DLG2: variants seen among roughly 807,000 people sequenced by gnomAD.
DLG2 encodes the protein discs large MAGUK scaffold protein 2.
Under a neutral mutation model 132.5 loss-of-function variants are expected in DLG2, and 45 were observed. The ratio of observed to expected loss-of-function variants is 0.34; its 90% CI spans 0.27 to 0.44. The LOEUF is 0.44. Ranked by LOEUF, DLG2 falls within the 20% of genes least tolerant of loss-of-function variation. DLG2 has a pLI of 1.00. For synonymous variants in DLG2, 424 were observed against 419.6 expected, an observed-to-expected ratio of 1.01 and a Z score of -0.13; for missense variants, 1,045 against 1,196.9, an observed-to-expected ratio of 0.87 and a Z score of 1.87.
intron 6 of DLG2, among the ~76,000 whole-genome samples, chr11:85,030,714 ATTAT>A (rs1329520152): frequency 6.6e-6 from 1 of 152,110 alleles, no homozygotes; most frequent in African/African-American, 2.4e-5. Context: ...AATTTTTGGT[ATTAT>A]TTATACTTTA....
intron 4 of DLG2, among the ~76,000 whole-genome samples, chr11:85,274,551 T>C (rs1239618719): frequency 6.6e-6 from 1 of 152,142 alleles, no homozygotes; most frequent in Non-Finnish European, 1.5e-5. Context: ...ATATATTTTA[T>C]ATTACACACT....
chr11:84,782,898 AC>A (rs1443483167), intron 6 of DLG2, among the ~76,000 whole-genome samples: 6 of 152,116 alleles, frequency 3.9e-5, no homozygotes, highest in African/African-American at 1.4e-4. Flanking sequence ...GCATCAGCGT[AC>A]CTTTCTGGCA....
intron 3 of DLG2, among the ~76,000 whole-genome samples, chr11:85,391,754 T>A (rs1197075217): frequency 6.6e-6 from 1 of 151,974 alleles, no homozygotes; most frequent in Non-Finnish European, 1.5e-5. Flanking sequence ...ATGATTAAAA[T>A]TCTCAGCAAA....
chr11:85,093,268 A>G (rs1196781471), intron 6 of DLG2, among the ~76,000 whole-genome samples: 1 of 152,016 alleles, frequency 6.6e-6, no homozygotes, highest in East Asian at 1.9e-4. Flanking sequence ...GTCAAGGGGC[A>G]GAAGTCATAC....
chr11:85,368,532 C>T (rs144612125), intron 3 of DLG2, among the ~76,000 whole-genome samples: 26 of 152,320 alleles, frequency 1.7e-4, no homozygotes, highest in African/African-American at 5.3e-4. Context: ...ATCTCTCACC[C>T]GGAGTATTTC....
chr11:83,935,559 G>C (rs1365792055), intron 14 of DLG2, among the ~76,000 whole-genome samples: 2 of 152,130 alleles, frequency 1.3e-5, no homozygotes, highest in African/African-American at 2.4e-5. Context: ...ACATCTAGGG[G>C]AGGGATTGAT....
intron 6 of DLG2, among the ~76,000 whole-genome samples, chr11:84,588,226 T>C (rs935451458): frequency 7.2e-5 from 11 of 152,188 alleles, no homozygotes; most frequent in Non-Finnish European, 2.9e-5. Flanking sequence ...AATAAGAAGA[T>C]GCAGTTTGAC....
chr11:84,716,528 C>T (rs1159476931), intron 6 of DLG2, among the ~76,000 whole-genome samples: 2 of 152,002 alleles, frequency 1.3e-5, no homozygotes, highest in South Asian at 2.1e-4. Context: ...AAATTCAATA[C>T]TTTGATCTTT....
intron 18 of DLG2, among the ~76,000 whole-genome samples, chr11:83,745,873 A>G (rs551902657): frequency 6.6e-6 from 1 of 152,322 alleles, no homozygotes; most frequent in Admixed American, 6.5e-5. Context: ...AAGAACTCAA[A>G]CAAATTTAGA....
chr11:85,065,757 T>C (rs1265011463), intron 6 of DLG2, among the ~76,000 whole-genome samples: 1 of 150,976 alleles, frequency 6.6e-6, no homozygotes, highest in Non-Finnish European at 1.5e-5. Flanking sequence ...TTAAAAAATA[T>C]ATATTAAAGA....
chr11:83,574,873 T>C (rs753290751), intron 19 of DLG2, among the ~76,000 whole-genome samples: 3 of 152,206 alleles, frequency 2.0e-5, no homozygotes, highest in South Asian at 2.1e-4. Context: ...TGTGAAATTA[T>C]TGACTAAAGA....
chr11:85,595,982 G>A (rs2079727775), intron 3 of DLG2, among the ~76,000 whole-genome samples: 1 of 152,182 alleles, frequency 6.6e-6, no homozygotes, highest in Admixed American at 6.5e-5. Flanking sequence ...GCTGGGGGCA[G>A]TGGCTCAAGC....
At chr11:85,494,022 A>C (rs75714511) in intron 3 of DLG2, among the ~76,000 whole-genome samples, 10,891 of 152,202 alleles carry the variant, frequency 0.072, 684 homozygotes, top group East Asian at 0.3. Flanking sequence ...TCATGTCTTC[A>C]TATGACAGGA....
intron 21 of DLG2, among the ~76,000 whole-genome samples, chr11:83,527,191 G>A (rs1448360531): frequency 6.6e-6 from 1 of 152,126 alleles, no homozygotes; most frequent in Non-Finnish European, 1.5e-5. Flanking sequence ...CAGGATTTAA[G>A]TTTATGCCCA....
At chr11:84,114,246 G>A (rs901230282) in intron 9 of DLG2, among the ~76,000 whole-genome samples, 1 of 152,088 alleles carries the variant, frequency 6.6e-6, no homozygotes, top group Non-Finnish European at 1.5e-5. Context: ...AATTTTAAGT[G>A]TAAAAAGGAT....
chr11:83,642,480 T>C (rs919606123), intron 18 of DLG2, among the ~76,000 whole-genome samples: 8 of 152,210 alleles, frequency 5.3e-5, no homozygotes, highest in Admixed American at 2.0e-4. Flanking sequence ...CACTCATGAA[T>C]TCTTTAATGT....
At chr11:84,163,330 A>C (rs1371890856) in intron 9 of DLG2, 131 bp downstream of exon 9, 2 of 726,770 alleles carry the variant, frequency 2.8e-6, no homozygotes, top group East Asian at 3.0e-5. Flanking sequence ...TAATATTCTC[A>C]TTGTGAGTCC....
rs544385787 is a variant in DLG2 at position 84,921,031 on chromosome 11, C to T, written c.357+190630G>A. Among the ~76,000 whole-genome samples, 3 of 151,812 alleles carry T rather than the reference C, an allele frequency of 2.0e-5. No homozygotes were observed. In the East Asian group the frequency reaches 5.8e-4, roughly 29 times the overall value. The stretch of plus-strand genomic sequence containing the variant: ...TACCATAAGAGAGAATTCAACAGAA[C>T]CAAGTGATAAGTAGTTCTTGTAACA... On this transcript the variant is annotated intron_variant, in intron 6 of 27. Coordinates refer to ENST00000376104, the MANE Select transcript of DLG2 (RefSeq NM_001142699.3).
chr11:83,892,161 T>C (rs2070123002), intron 15 of DLG2, among the ~76,000 whole-genome samples: 1 of 152,224 alleles, frequency 6.6e-6, no homozygotes, highest in Non-Finnish European at 1.5e-5. Flanking sequence ...TCACCTAATC[T>C]TCTACTTATT....
Sources: allele counts gnomAD v4.1 joint callset (sites outside exome capture counted in the v4.1 genomes callset), GRCh38; gene constraint gnomAD v4.1.1; transcripts MANE v1.5; gene names NCBI Gene and HGNC (gene_info 2026-07-23, HGNC 2026-07-21).